NUP188: variants seen among roughly 807,000 people sequenced by gnomAD.
The protein encoded by NUP188 is nucleoporin 188, also known as nucleoporin NUP188.
NUP188 carries 97 observed loss-of-function variants against 223.0 expected under a neutral mutation model. The ratio of observed to expected loss-of-function variants is 0.43; its 90% confidence interval spans 0.37 to 0.51. The LOEUF (loss-of-function observed/expected upper bound fraction) is 0.51, where lower values mean the gene tolerates loss of function less well. Among genes scored for constraint, NUP188 ranks in the 20% least tolerant of loss-of-function variants. NUP188 has a pLI of 0.00. For synonymous variants in NUP188, 869 were observed against 828.0 expected, an observed-to-expected ratio of 1.05 and a Z score of -0.85; for missense variants, 1,947 against 2,175.6, an observed-to-expected ratio of 0.89 and a Z score of 2.09.
intron 11 of NUP188, 32 bp downstream of exon 11, chr9:128,970,990 G>C (rs1438955525): frequency 1.3e-6 from 2 of 1,523,876 alleles, no homozygotes; most frequent in Non-Finnish European, 9.1e-7. Context: ...GTGAGCATGG[G>C]AGTGAGCCGG....
intron 33 of NUP188, 91 bp downstream of exon 33, chr9:128,999,408 T>C: frequency 6.7e-7 from 1 of 1,500,204 alleles, no homozygotes; most frequent in African/African-American, 1.4e-5. Context: ...GGGCCACACA[T>C]TTCTTCTGGG....
In NUP188 at chr9:128,980,683, A is replaced by G. The variant is rs755988019; in HGVS notation, c.1347A>G (p.Gln449=). The G allele has an allele frequency of 1.2e-6, 2 of 1,614,084 alleles. No homozygotes were observed. The highest frequency in any genetic ancestry group is 1.7e-6 in the Non-Finnish European group (2 of 1,180,014). Reference sequence around the variant, plus strand: ...CCCACCTTCTCTCCCCACTCCTGCAACTGCTCCGAGCCCTGGTATCAGGGA... The same window carrying G: ...CCCACCTTCTCTCCCCACTCCTGCAGCTGCTCCGAGCCCTGGTATCAGGGA... ...MFPHLLSPLL[Q]LLRALVSGKS... Residue 449 remains glutamine, a synonymous_variant, in exon 14 of 44, where the codon CAA becomes CAG. Coordinates refer to ENST00000372577, the MANE Select transcript of NUP188 (RefSeq NM_015354.3).
intron 9 of NUP188, 29 bp from the exon 10 acceptor site, chr9:128,969,351 GAGTTTCAGAACGGGATATAT>G: frequency 8.5e-7 from 1 of 1,170,270 alleles, no homozygotes; most frequent in Non-Finnish European, 1.3e-6. Flanking sequence ...TGTCTCTAGT[GAGTTTCAGAACGGGATATAT>G]AACATGGTGA....
chr9:128,987,129 G>GTGTGTGTGTGTA (rs1842348498), intron 22 of NUP188, among the ~76,000 whole-genome samples: 1 of 147,026 alleles, frequency 6.8e-6, no homozygotes, highest in Non-Finnish European at 1.5e-5. Flanking sequence ...GTGTGTGTGT[G>GTGTGTGTGTGTA]TGTATGTGTA....
chr9:128,955,525 A>G (rs1460112977), intron 3 of NUP188, among the ~76,000 whole-genome samples: 1 of 152,046 alleles, frequency 6.6e-6, no homozygotes, highest in Non-Finnish European at 1.5e-5. Context: ...ACTCAAATAT[A>G]TTTATTTTAT....
chr9:128,993,567 G>C lies in NUP188; in HGVS notation c.2890G>C (p.Glu964Gln). The change falls in exon 27 of 44, where the codon GAG becomes CAG. Residue 964 changes from glutamate to glutamine, a missense_variant. Glu to Gln is a conservative substitution (Grantham distance 29). Around this residue, in one of 3 missense-constraint regions of NUP188, gnomAD observed 905 missense variants for 990.6 expected, o/e 0.91. Coordinates refer to ENST00000372577, the MANE Select transcript of NUP188 (RefSeq NM_015354.3). The stretch of plus-strand genomic sequence containing the variant: ...GTGGAGCTGTCTCCATGCAGTGCTG[G>C]AGCTGATTGATTCCCAACAGCAAGA... ...GMWSCLHAVL[E>Q]LIDSQQQDRY... 1 of 1,614,162 alleles carries C rather than the reference G, an allele frequency of 6.2e-7. No individual in the cohort carries two copies. Among genetic ancestry groups the C allele is most frequent in the South Asian group, 1.1e-5 (1 of 91,076 alleles).
At chr9:128,957,467 A>G (rs1351721297) in intron 5 of NUP188, among the ~76,000 whole-genome samples, 2 of 151,488 alleles carry the variant, frequency 1.3e-5, no homozygotes, top group East Asian at 3.9e-4. Context: ...GATTTGGTAG[A>G]GTTTCTTTTT....
chr9:128,979,380 G>T, intron 13 of NUP188, 53 bp downstream of exon 13: 1 of 1,338,526 alleles, frequency 7.5e-7, no homozygotes, highest in Non-Finnish European at 1.1e-6. Flanking sequence ...TCAAACACTT[G>T]TTTTCTTACA....
intron 21 of NUP188, 39 bp from the exon 22 acceptor site, chr9:128,986,770 A>C (rs1842339518): frequency 6.2e-7 from 1 of 1,613,642 alleles, no homozygotes; most frequent in Admixed American, 1.7e-5. Context: ...GGGTCATTTC[A>C]CAAGGCCACA....
chr9:128,960,351 G>A (rs1028603687), intron 8 of NUP188, among the ~76,000 whole-genome samples: 18 of 151,764 alleles, frequency 1.2e-4, no homozygotes, highest in South Asian at 2.1e-4. Context: ...GATTACAGGC[G>A]TGAGCCACCG....
intron 3 of NUP188, among the ~76,000 whole-genome samples, chr9:128,953,072 ATGTG>A (rs1460450471): frequency 6.6e-6 from 1 of 152,206 alleles, no homozygotes; most frequent in Non-Finnish European, 1.5e-5. Flanking sequence ...ATTATGACCT[ATGTG>A]TGGGGATGAG....
At chr9:128,974,389 G>GTTTTTTT (rs778841218) in intron 12 of NUP188, among the ~76,000 whole-genome samples, 10 of 113,326 alleles carry the variant, frequency 8.8e-5, no homozygotes, top group African/African-American at 1.4e-4. Flanking sequence ...GCAGGTTGTT[G>GTTTTTTT]TTTTTTTTTT....
chr9:128,983,249 GTAT>G, intron 17 of NUP188, 41 bp from the exon 18 acceptor site: 1 of 1,541,432 alleles, frequency 6.5e-7, no homozygotes. Flanking sequence ...GGAACCAGTT[GTAT>G]TATTTGCTTT....
Position 128,968,689 on chromosome 9 carries a change from A to T in NUP188, c.769A>T (p.Thr257Ser). Residue 257 changes from threonine (T) to serine (S), a missense_variant, in exon 9 of 44, where the codon ACT (threonine) becomes TCT (serine). Thr to Ser is a moderately conservative substitution (Grantham distance 58). This residue lies in a region of NUP188 where 817 missense variants were observed against 865.8 expected (regional missense o/e 0.94). Transcript: ENST00000372577. ...GACCAATAGGCACCTGGTGGATGAGACTATGGATCCTTTTGTAGATCGGAT... is the reference window on the plus strand; with the variant it reads ...GACCAATAGGCACCTGGTGGATGAGTCTATGGATCCTTTTGTAGATCGGAT... Reference protein sequence around the residue: ...RQTNRHLVDETMDPFVDRIGY... With the variant: ...RQTNRHLVDESMDPFVDRIGY... The T allele has an allele frequency of 1.2e-6, 2 of 1,614,040 alleles. No individual in the cohort carries two copies. The highest frequency in any genetic ancestry group is 1.7e-6 in the Non-Finnish European group (2 of 1,179,904).
intron 41 of NUP188, 106 bp downstream of exon 41, chr9:129,005,882 G>A (rs773488740): frequency 1.7e-5 from 25 of 1,459,410 alleles, no homozygotes; most frequent in Admixed American, 7.9e-5. Flanking sequence ...AGCCTCCCAA[G>A]CCTGCTCCTC....
At chr9:128,959,428 G>A (rs566532905) in intron 8 of NUP188, among the ~76,000 whole-genome samples, 116 of 151,464 alleles carry the variant, frequency 7.7e-4, no homozygotes, top group African/African-American at 2.7e-3. Context: ...AAGTGTGAGC[G>A]ACTACACCTG....
chr9:128,997,870 G>A (rs1056585256), intron 30 of NUP188, among the ~76,000 whole-genome samples: 11 of 151,898 alleles, frequency 7.2e-5, no homozygotes, highest in Middle Eastern at 3.4e-3. Context: ...ACAGGTGCGC[G>A]CCACCATGCC....
intron 20 of NUP188, among the ~76,000 whole-genome samples, chr9:128,986,286 C>T (rs1842332602): frequency 6.6e-6 from 1 of 152,090 alleles, no homozygotes; most frequent in Admixed American, 6.6e-5. Flanking sequence ...GTTTAAGGTG[C>T]CTCCCTTCTG....
intron 8 of NUP188, among the ~76,000 whole-genome samples, chr9:128,967,792 A>C (rs1299221531): frequency 1.5e-5 from 2 of 137,796 alleles, no homozygotes; most frequent in African/African-American, 6.5e-5. Context: ...CTTCGTCTCA[A>C]AAAAAAAAAA....
Sources: gnomAD v4.1 joint callset for allele counts (sites outside exome capture counted in the v4.1 genomes callset) on GRCh38, gnomAD v4.1.1 for gene constraint, gnomAD v4.1.1 regional missense constraint, MANE v1.5 for transcripts, NCBI Gene and HGNC (gene_info 2026-07-23, HGNC 2026-07-21) for gene names.